The following PADI1 variants were observed in gnomAD, a reference collection of about 807,000 sequenced individuals.
The protein encoded by PADI1 is peptidyl arginine deiminase 1.
In PADI1, 65 loss-of-function variants were observed where a neutral mutation model predicts 74.8. That is an observed-to-expected ratio of 0.87 (90% CI 0.71 to 1.07). The LOEUF (loss-of-function observed/expected upper bound fraction) is 1.07. Ranked by LOEUF, PADI1 falls within the 50% of genes least tolerant of loss-of-function variation. The probability of loss-of-function intolerance (pLI) is 0.00; values close to 1 mark genes in which losing one functional copy is unlikely to be tolerated. For missense variants in PADI1, 943 were observed against 854.0 expected (o/e 1.10, Z -1.30); for synonymous variants, 371 against 336.2 (o/e 1.10, Z -1.13).
chr1:17,231,604 C>G (rs964966150), intron 10 of PADI1, among the ~76,000 whole-genome samples: 3 of 152,186 alleles, frequency 2.0e-5, no homozygotes, highest in African/African-American at 7.2e-5. Flanking sequence ...GGGGACCCAC[C>G]TGACCTGCCC....
chr1:17,221,962 G>A lies in PADI1; in HGVS notation c.93-328G>A, dbSNP rs2072163785. On this transcript the variant is annotated intron_variant, in intron 1 of 15. Coordinates refer to ENST00000375471, the MANE Select transcript of PADI1 (RefSeq NM_013358.3). ...ATGAGAAAGCTGCTCGGTGATCCAG[G>A]CGAGGGGTGATGGTGGCTTGGGCCG... Among the ~76,000 whole-genome samples the A allele has an allele frequency of 1.3e-5, 2 of 152,246 alleles. 1 individual carries two copies. Among genetic ancestry groups the A allele is most frequent in the Non-Finnish European group, 2.9e-5 (2 of 68,042 alleles).
chr1:17,240,252 G>A (rs114132715), intron 14 of PADI1: 527 of 239,218 alleles, frequency 2.2e-3, no homozygotes, highest in African/African-American at 0.011. Context: ...GCACAGAGTC[G>A]GTGCTCAGTT....
In PADI1 at chr1:17,244,759, T is replaced by TG; in HGVS notation, c.*517dup. ...TCTTCTCCCAAAGGGGACCCAAGGC[T>TG]GTGACACTTACCTCCACCCCCATCC... On this transcript the variant is annotated 3_prime_UTR_variant, in exon 16 of 16. Transcript: ENST00000375471. 6.0e-6 allele frequency: 2 copies of TG among 332,226 alleles called. No individual in the cohort carries two copies. Among genetic ancestry groups the TG allele is most frequent in the South Asian group, 4.9e-5 (2 of 41,030 alleles). The allele number at this position is 332,226 out of a possible 1,614,324, so 20.6% of individuals were successfully genotyped here. A position where few individuals can be genotyped will look rare whatever the true frequency, so the allele number is the denominator to read the frequency against.
chr1:17,238,723 A>T lies in PADI1; in HGVS notation c.1552+14A>T. ...CCCAGTTTGATGGTGAGTGCCAATG[A>T]CCCGGTCACCCCTGGGGGACCCTGC... On this transcript the variant is annotated intron_variant, in intron 13 of 15. Transcript: ENST00000375471. 7.1e-7 allele frequency: 1 copy of T among 1,399,470 alleles called. No homozygotes were observed. Among genetic ancestry groups the T allele is most frequent in the Non-Finnish European group, 9.7e-7 (1 of 1,035,862 alleles). The allele number at this position is 1,399,470 out of a possible 1,614,324, so 86.7% of individuals were successfully genotyped here.
At chr1:17,239,842 C>T in intron 14 of PADI1, 59 bp downstream of exon 14, 1 of 1,379,086 alleles carries the variant, frequency 7.3e-7, no homozygotes. Flanking sequence ...GGAGAAGAAG[C>T]CCCAGGAACT....
intron 11 of PADI1, among the ~76,000 whole-genome samples, chr1:17,233,744 C>G (rs2072563159): frequency 1.3e-5 from 2 of 152,200 alleles, no homozygotes; most frequent in Admixed American, 6.5e-5. Context: ...CCACTTACCC[C>G]CCAAGCCCTG....
intron 6 of PADI1, among the ~76,000 whole-genome samples, chr1:17,226,666 G>A (rs910992826): frequency 6.6e-5 from 10 of 152,170 alleles, no homozygotes; most frequent in Non-Finnish European, 1.5e-4. Flanking sequence ...ACTCACATCT[G>A]TAATCCCAGT....
At chr1:17,216,044 G>A (rs535313249) in intron 1 of PADI1, among the ~76,000 whole-genome samples, 5 of 152,094 alleles carry the variant, frequency 3.3e-5, no homozygotes, top group South Asian at 4.2e-4. Context: ...TGGGCGGACC[G>A]CAGGGATTGG....
At chr1:17,218,199 T>C (rs1410445341) in intron 1 of PADI1, among the ~76,000 whole-genome samples, 1 of 152,336 alleles carries the variant, frequency 6.6e-6, no homozygotes, top group African/African-American at 2.4e-5. Context: ...AGAGAGGGCA[T>C]CTGGAGGAAT....
rs141823184 is a variant in PADI1 at position 17,232,909 on chromosome 1, G to A, written c.1252G>A (p.Val418Ile). 20 of 1,612,888 alleles carry A rather than the reference G, an allele frequency of 1.2e-5. No homozygotes were observed. The highest frequency in any genetic ancestry group is 1.6e-4 in the Middle Eastern group (1 of 6,084). The change falls in exon 11 of 16, where the codon GTC (valine) becomes ATC (isoleucine). Residue 418 changes from valine to isoleucine, a missense_variant. Coordinates refer to ENST00000375471, the MANE Select transcript of PADI1 (RefSeq NM_013358.3). ...CGGCAACCTGGACGTCAGCCCGCCC[G>A]TCACGGTGGGCGGCACGGAATACCC... ...SFGNLDVSPPVTVGGTEYPLG... is the reference protein window; with the variant it reads ...SFGNLDVSPPITVGGTEYPLG...
rs970405944 is a variant in PADI1, at chr1:17,241,863, T to A, written c.1758+1103T>A. The stretch of plus-strand genomic sequence containing the variant: ...GGATGGAATCAGGGTTGGAAGTGAA[T>A]GTCGGAATCGGGATGGAATCAGGGT... On this transcript the variant is annotated intron_variant, in intron 15 of 15. Transcript: ENST00000375471. 5.2e-4 allele frequency among the ~76,000 whole-genome samples: 74 copies of A among 143,688 alleles called. 1 individual carries two copies. The highest frequency in any genetic ancestry group is 2.5e-3 in the South Asian group (11 of 4,346). 94.3% of individuals were successfully genotyped at this position (143,688 alleles called of 152,430 possible). A position where few individuals can be genotyped will look rare whatever the true frequency, so the allele number is the denominator to read the frequency against.
Position 17,232,919 on chromosome 1 carries a change from G to A in PADI1, c.1262G>A (p.Gly421Asp). Reference protein sequence around the residue: ...NLDVSPPVTVGGTEYPLGRIL... With the variant: ...NLDVSPPVTVDGTEYPLGRIL... ...GACGTCAGCCCGCCCGTCACGGTGG[G>A]CGGCACGGAATACCCCCTGGGCCGG... Residue 421 changes from glycine (G) to aspartate (D), a missense_variant, in exon 11 of 16, where the codon GGC becomes GAC. Transcript: ENST00000375471. The A allele has an allele frequency of 6.2e-7, 1 of 1,612,574 alleles. No individual in the cohort carries two copies. The highest frequency in any genetic ancestry group is 8.5e-7 in the Non-Finnish European group (1 of 1,179,772).
At chr1:17,238,520 C>T in intron 12 of PADI1, 96 bp from the exon 13 acceptor site, 1 of 525,812 alleles carries the variant, frequency 1.9e-6, no homozygotes, top group Non-Finnish European at 3.2e-6. Context: ...AGGGGAGTCC[C>T]AAGAACTGTC....
intron 8 of PADI1, 25 bp downstream of exon 8, chr1:17,229,076 C>A (rs2072412377): frequency 4.2e-6 from 6 of 1,429,286 alleles, no homozygotes; most frequent in Non-Finnish European, 5.8e-6. Context: ...CTCCAGCCCT[C>A]CCCCAAGTCT....
chr1:17,229,578 T>A (rs1196325980), intron 8 of PADI1, among the ~76,000 whole-genome samples: 1 of 152,152 alleles, frequency 6.6e-6, no homozygotes. Context: ...GTCAGACCAC[T>A]GGAAAAAGCC....
At chr1:17,222,558 A>T in intron 2 of PADI1, 88 bp downstream of exon 2, 1 of 1,012,020 alleles carries the variant, frequency 9.9e-7, no homozygotes, top group Non-Finnish European at 1.5e-6. Flanking sequence ...CCCATTCCAA[A>T]GCTCCCCACT....
Position 17,228,758 on chromosome 1 carries a change from A to C in PADI1, c.786A>C (p.Leu262=), listed in dbSNP as rs758928692. The part of the protein sequence containing the change: ...EGLTFPDADF[L]GLVSLSVSLV... ...TGACCTTCCCCGATGCCGATTTCCT[A>C]GGGCTGGTTTCCCTCAGTGTCAGCC... The change falls in exon 7 of 16, where the codon CTA becomes CTC. Residue 262 remains leucine, a synonymous_variant. Coordinates refer to ENST00000375471, the MANE Select transcript of PADI1 (RefSeq NM_013358.3). The C allele has an allele frequency of 2.5e-6, 4 of 1,613,912 alleles. No homozygotes were observed. The African/African-American group carries it at 5.3e-5, about 22-fold the overall frequency.
intron 1 of PADI1, among the ~76,000 whole-genome samples, chr1:17,210,932 T>A (rs1361424842): frequency 6.6e-6 from 1 of 152,234 alleles, no homozygotes. Flanking sequence ...GCACCTGCTC[T>A]GTGCTGGGTT....
chr1:17,242,356 C>T (rs1363526025), intron 15 of PADI1, among the ~76,000 whole-genome samples: 1 of 152,258 alleles, frequency 6.6e-6, no homozygotes, highest in Non-Finnish European at 1.5e-5. Context: ...CACTCAGCTA[C>T]CACCTGAAAT....
Sources: gnomAD v4.1 joint callset for allele counts (sites outside exome capture counted in the v4.1 genomes callset) on GRCh38, gnomAD v4.1.1 for gene constraint, MANE v1.5 for transcripts, NCBI Gene and HGNC (gene_info 2026-07-23, HGNC 2026-07-21) for gene names.